Variants in HECW1 observed in about 807,000 individuals in gnomAD.
HECW1 encodes HECT, C2 and WW domain containing E3 ubiquitin protein ligase 1, also known as E3 ubiquitin-protein ligase HECW1.
HECW1 carries 61 observed loss-of-function variants against 182.3 expected under a neutral mutation model. That is an observed-to-expected ratio of 0.33 (90% CI 0.27 to 0.41). The LOEUF is 0.41. Among genes scored for constraint, HECW1 ranks in the 10% least tolerant of loss-of-function variants. HECW1 has a pLI of 1.00. For synonymous variants in HECW1, 859 were observed against 832.6 expected, an observed-to-expected ratio of 1.03 and a Z score of -0.55; for missense variants, 1,739 against 2,108.9, an observed-to-expected ratio of 0.82 and a Z score of 3.44.
intron 2 of HECW1, among the ~76,000 whole-genome samples, chr7:43,124,792 A>G (rs942451104): frequency 5.9e-5 from 9 of 152,152 alleles, no homozygotes; most frequent in Non-Finnish European, 8.8e-5. Flanking sequence ...AGCAAACCAA[A>G]AGATTGTGTT....
chr7:43,490,115 A>T (rs2078873232), intron 17 of HECW1, among the ~76,000 whole-genome samples: 1 of 152,176 alleles, frequency 6.6e-6, no homozygotes, highest in South Asian at 2.1e-4. Flanking sequence ...TTGCCACCTC[A>T]CTTGGGACAT....
chr7:43,241,732 G>A (rs1357064963), intron 2 of HECW1, among the ~76,000 whole-genome samples: 1 of 151,932 alleles, frequency 6.6e-6, no homozygotes, highest in East Asian at 1.9e-4. Flanking sequence ...GCTAAGTGCT[G>A]AGGATGGCAG....
At chr7:43,268,036 T>C (rs145601732) in intron 3 of HECW1, among the ~76,000 whole-genome samples, 3 of 152,328 alleles carry the variant, frequency 2.0e-5, no homozygotes, top group African/African-American at 7.2e-5. Flanking sequence ...CCACTTCATA[T>C]TGGTGCTAGA....
intron 3 of HECW1, among the ~76,000 whole-genome samples, chr7:43,254,673 T>C (rs905341777): frequency 1.3e-5 from 2 of 152,188 alleles, no homozygotes; most frequent in African/African-American, 4.8e-5. Flanking sequence ...TTCTTAGATA[T>C]GATATACGAA....
intron 5 of HECW1, among the ~76,000 whole-genome samples, chr7:43,323,535 A>G (rs913288661): frequency 1.1e-4 from 17 of 152,136 alleles, no homozygotes; most frequent in African/African-American, 3.9e-4. Flanking sequence ...GCAGTGAGCT[A>G]TGATAGTGCC....
intron 2 of HECW1, among the ~76,000 whole-genome samples, chr7:43,177,574 A>G (rs1792386894): frequency 6.6e-6 from 1 of 152,234 alleles, no homozygotes; most frequent in East Asian, 1.9e-4. Flanking sequence ...CTGTGGATTC[A>G]GACAACTTGA....
intron 2 of HECW1, among the ~76,000 whole-genome samples, chr7:43,153,855 T>C (rs1208050143): frequency 2.0e-5 from 3 of 152,220 alleles, no homozygotes; most frequent in Admixed American, 2.0e-4. Flanking sequence ...ATATTTACTA[T>C]TTTATTAGAA....
At chr7:43,499,840 C>G (rs2079268998) in intron 19 of HECW1, among the ~76,000 whole-genome samples, 1 of 152,176 alleles carries the variant, frequency 6.6e-6, no homozygotes, top group Non-Finnish European at 1.5e-5. Flanking sequence ...TATCCATAGA[C>G]TTACTTGAAA....
intron 5 of HECW1, among the ~76,000 whole-genome samples, chr7:43,322,054 A>T (rs1486563010): frequency 3.9e-5 from 6 of 151,940 alleles, no homozygotes; most frequent in African/African-American, 1.4e-4. Flanking sequence ...GCATAATAAA[A>T]CTCCCAGCAA....
intron 24 of HECW1, among the ~76,000 whole-genome samples, chr7:43,516,328 G>A (rs1054061761): frequency 3.3e-5 from 5 of 152,150 alleles, no homozygotes; most frequent in African/African-American, 1.2e-4. Flanking sequence ...AGGATGGATG[G>A]ACGGATGGAA....
chr7:43,304,149 T>A (rs973431604), intron 3 of HECW1, among the ~76,000 whole-genome samples: 2 of 152,116 alleles, frequency 1.3e-5, no homozygotes, highest in Admixed American at 6.5e-5. Flanking sequence ...TTTTAGACTG[T>A]TAGGACCAGC....
In HECW1 at chr7:43,271,469, T is replaced by G. The variant is rs187719792; in HGVS notation, c.27+27537T>G. ...TGTACTTAGAAAACCCTAAGGACTC[T>G]GTCAAAAGGCTATTAGAACTGATAA... is the stretch of plus-strand genomic sequence containing the variant. On this transcript the variant is annotated intron_variant, in intron 3 of 29. Transcript: ENST00000395891. Among the ~76,000 whole-genome samples the G allele has an allele frequency of 2.4e-3, 360 of 152,332 alleles. 1 individual carries two copies. The highest frequency in any genetic ancestry group is 4.3e-3 in the Non-Finnish European group (295 of 68,022).
rs1790627464 is a variant in HECW1, at chr7:43,162,292, G to A, written c.-32+47901G>A. Among the ~76,000 whole-genome samples the A allele has an allele frequency of 2.0e-5, 3 of 152,254 alleles. No individual in the cohort carries two copies. In the South Asian group the frequency reaches 6.2e-4, roughly 31 times the overall value. Reference sequence around the variant, plus strand: ...AGAAATGTATTCTCTCAAAGTTCTAGAGGCCAGAAGTCTGAGATCCAGGCA... The same window carrying A: ...AGAAATGTATTCTCTCAAAGTTCTAAAGGCCAGAAGTCTGAGATCCAGGCA... On this transcript the variant is annotated intron_variant, in intron 2 of 29. Transcript: ENST00000395891.
chr7:43,445,369 T>G lies in HECW1; in HGVS notation c.2197T>G (p.Phe733Val). 6.2e-7 allele frequency: 1 copy of G among 1,613,736 alleles called. No individual in the cohort carries two copies. The highest frequency in any genetic ancestry group is 8.5e-7 in the Non-Finnish European group (1 of 1,180,016). Residue 733 changes from phenylalanine (F) to valine (V), a missense_variant, in exon 11 of 30, where the codon TTC (phenylalanine) becomes GTC (valine). Physicochemically the swap from Phe to Val is conservative, Grantham distance 50 (BLOSUM62 -1). Around this residue, in one of 5 missense-constraint regions of HECW1, gnomAD observed 971 missense variants for 1,029.1 expected, o/e 0.94. Coordinates refer to ENST00000395891, the MANE Select transcript of HECW1 (RefSeq NM_015052.5). ...CGCCAAGATCTCCGAGAGCACGGTC[T>G]TCTCCTCGCAAGACGACGAGGAGGA... ...DSAKISESTV[F>V]SSQDDEEEEN...
rs528082831 is a variant in HECW1, at chr7:43,168,188, C to G, written c.-32+53797C>G. On this transcript the variant is annotated intron_variant, in intron 2 of 29. Transcript: ENST00000395891. Reference sequence around the variant, plus strand: ...CCCAATATCTTGCACCTGCATTGCACAAAGATCATGTTTATGAGTGTTGAA... The same window carrying G: ...CCCAATATCTTGCACCTGCATTGCAGAAAGATCATGTTTATGAGTGTTGAA... 1.0e-3 allele frequency among the ~76,000 whole-genome samples: 152 copies of G among 152,272 alleles called. 1 individual carries two copies. Among genetic ancestry groups the G allele is most frequent in the African/African-American group, 3.5e-3 (145 of 41,554 alleles).
At chr7:43,353,721 G>A (rs55854935) in intron 5 of HECW1, among the ~76,000 whole-genome samples, 25,277 of 152,126 alleles carry the variant, frequency 0.17, 2,799 homozygotes, top group Non-Finnish European at 0.25. Context: ...AATGGAGGTA[G>A]ACAACCAGCT....
At chr7:43,531,028 T>G (rs2080961663) in intron 24 of HECW1, among the ~76,000 whole-genome samples, 1 of 152,218 alleles carries the variant, frequency 6.6e-6, no homozygotes, top group African/African-American at 2.4e-5. Context: ...CTGCTATCTC[T>G]CTCCACAACC....
chr7:43,418,950 C>T (rs557976714), intron 8 of HECW1, among the ~76,000 whole-genome samples: 8 of 152,244 alleles, frequency 5.3e-5, no homozygotes, highest in South Asian at 4.2e-4. Flanking sequence ...ATTGATTTGG[C>T]GCAGCTCCTA....
intron 24 of HECW1, among the ~76,000 whole-genome samples, chr7:43,519,391 G>A (rs754675169): frequency 3.3e-5 from 5 of 151,976 alleles, no homozygotes; most frequent in South Asian, 2.1e-4. Flanking sequence ...GACTACAGGC[G>A]CCCACTATCA....
Sources: allele counts gnomAD v4.1 joint callset (sites outside exome capture counted in the v4.1 genomes callset), GRCh38; gene constraint gnomAD v4.1.1; regional missense constraint gnomAD v4.1.1; transcripts MANE v1.5; gene names NCBI Gene and HGNC (gene_info 2026-07-23, HGNC 2026-07-21).